The following SGCD variants were observed in gnomAD, a reference collection of about 807,000 sequenced individuals.
The protein encoded by SGCD is delta-sarcoglycan.
A neutral mutation model predicts 36.6 loss-of-function variants in SGCD; 18 were observed. The observed-to-expected ratio is 0.49, with a 90% CI of 0.34 to 0.73. The LOEUF (loss-of-function observed/expected upper bound fraction) is 0.73. Ranked by LOEUF, SGCD falls within the 30% of genes least tolerant of loss-of-function variation. The pLI is 0.01. For missense variants in SGCD, 387 were observed against 346.7 expected (o/e 1.12, Z -0.92); for synonymous variants, 133 against 130.6 (o/e 1.02, Z -0.12).
chr5:156,492,227 T>G (rs1457568042), intron 3 of SGCD, among the ~76,000 whole-genome samples: 1 of 152,156 alleles, frequency 6.6e-6, no homozygotes, highest in Non-Finnish European at 1.5e-5. Context: ...GGGAATAAAC[T>G]TCTCTAGTAT....
At chr5:156,333,555 A>C (rs1279234621) in intron 2 of SGCD, among the ~76,000 whole-genome samples, 1 of 152,126 alleles carries the variant, frequency 6.6e-6, no homozygotes, top group African/African-American at 2.4e-5. Flanking sequence ...TTTCCAGCCA[A>C]ACACTCTGGA....
intron 3 of SGCD, among the ~76,000 whole-genome samples, chr5:156,285,317 A>T (rs547033282): frequency 6.6e-6 from 1 of 152,286 alleles, no homozygotes; most frequent in East Asian, 1.9e-4. Context: ...GAATTGGAAA[A>T]AACTACTTTA....
intron 4 of SGCD, among the ~76,000 whole-genome samples, chr5:156,509,982 A>G (rs1010516173): frequency 2.6e-5 from 4 of 152,188 alleles, no homozygotes; most frequent in African/African-American, 9.6e-5. Context: ...CACTACTTGC[A>G]TTGTGTGCAT....
chr5:156,173,145 G>T (rs900373376), intron 3 of SGCD, among the ~76,000 whole-genome samples: 25 of 151,958 alleles, frequency 1.6e-4, no homozygotes, highest in Non-Finnish European at 1.2e-4. Flanking sequence ...AATAATAAAG[G>T]TAGAGATTTC....
At chr5:156,467,414 C>A (rs1174542183) in intron 3 of SGCD, among the ~76,000 whole-genome samples, 1 of 152,108 alleles carries the variant, frequency 6.6e-6, no homozygotes, top group Non-Finnish European at 1.5e-5. Context: ...TTTCTCACTG[C>A]ACTAAAGAAA....
the SGCD span, among the ~76,000 whole-genome samples, chr5:155,735,727 C>A: frequency 2.0e-5 from 3 of 152,202 alleles, no homozygotes; most frequent in Non-Finnish European, 2.9e-5. Context: ...GAGAAGCAGA[C>A]CTGAAATTAT....
intron 3 of SGCD, among the ~76,000 whole-genome samples, chr5:156,427,538 T>A (rs1400159334): frequency 2.0e-5 from 3 of 152,148 alleles, no homozygotes; most frequent in Non-Finnish European, 4.4e-5. Flanking sequence ...TTCCTTCTCT[T>A]GTCTGATTGC....
chr5:155,910,735 A>G (rs1278027128), intron 1 of SGCD, among the ~76,000 whole-genome samples: 1 of 152,152 alleles, frequency 6.6e-6, no homozygotes, highest in Admixed American at 6.6e-5. Flanking sequence ...GTCACTTGGT[A>G]ATAATAGAAA....
intron 3 of SGCD, among the ~76,000 whole-genome samples, chr5:156,224,451 G>A (rs1399180321): frequency 6.6e-6 from 1 of 152,086 alleles, no homozygotes; most frequent in Non-Finnish European, 1.5e-5. Flanking sequence ...AGACCAGATA[G>A]ATTTGTAGTG....
At chr5:156,193,008 T>C (rs2127633390) in intron 3 of SGCD, among the ~76,000 whole-genome samples, 1 of 151,854 alleles carries the variant, frequency 6.6e-6, no homozygotes, top group South Asian at 2.1e-4. Context: ...AATTTTAATT[T>C]CATCTAACTT....
chr5:156,725,051 C>T (rs1027785337), intron 7 of SGCD, among the ~76,000 whole-genome samples: 47 of 152,130 alleles, frequency 3.1e-4, no homozygotes, highest in Non-Finnish European at 2.4e-4. Flanking sequence ...CTAAGGGTGG[C>T]GATGCCACTC....
chr5:156,545,378 G>A lies in SGCD; in HGVS notation c.294+36676G>A, dbSNP rs531732700. Reference sequence around the variant, plus strand: ...GGTTGTGAACAAGATGCTAAGCCTCGTAAGGGCTCAGTTTTGTCATCTAGC... The same window carrying A: ...GGTTGTGAACAAGATGCTAAGCCTCATAAGGGCTCAGTTTTGTCATCTAGC... On this transcript the variant is annotated intron_variant, in intron 4 of 8. Transcript: ENST00000337851. Among the ~76,000 whole-genome samples, 18 of 152,146 alleles carry A rather than the reference G, an allele frequency of 1.2e-4. No homozygotes were observed. The South Asian group carries it at 3.5e-3, about 30-fold the overall frequency.
At chr5:156,393,035 G>A (rs1465280286) in intron 3 of SGCD, among the ~76,000 whole-genome samples, 1 of 152,174 alleles carries the variant, frequency 6.6e-6, no homozygotes, top group Non-Finnish European at 1.5e-5. Flanking sequence ...TGTGGGCACA[G>A]GCCCAGGGTT....
At position 156,121,111 on chromosome 5, in the gene SGCD, G is replaced by C. The variant is rs561190123; in HGVS notation, c.-207-2745G>C. On this transcript the variant is annotated intron_variant, in intron 2 of 9. Transcript: ENST00000517913. Reference sequence around the variant, plus strand: ...GATGGTCCAGACAAAGTTGCCCAAAGTCATTAAGGGCTACAAAAGCAATGT... The same window carrying C: ...GATGGTCCAGACAAAGTTGCCCAAACTCATTAAGGGCTACAAAAGCAATGT... 1.5e-3 allele frequency among the ~76,000 whole-genome samples: 231 copies of C among 152,224 alleles called. 1 individual carries two copies. Among genetic ancestry groups the C allele is most frequent in the Non-Finnish European group, 1.9e-3 (128 of 68,008 alleles).
At chr5:156,758,079 C>T in intron 8 of SGCD, 1 of 847,216 alleles carries the variant, frequency 1.2e-6, no homozygotes, top group African/African-American at 1.8e-5. Flanking sequence ...CTTGTCATTA[C>T]TTTGTGTCAC....
At position 156,518,374 on chromosome 5, in the gene SGCD, C is replaced by G. The variant is rs149385521; in HGVS notation, c.294+9672C>G. On this transcript the variant is annotated intron_variant, in intron 4 of 8. Coordinates refer to ENST00000337851, the MANE Select transcript of SGCD (RefSeq NM_000337.6). ...GAGACCTACAAAGAGACTTAGACTC[C>G]CACACAATAATAGTGTGAGACTTTC... Among the ~76,000 whole-genome samples, 873 of 152,212 alleles carry G rather than the reference C, an allele frequency of 5.7e-3. 3 individuals are homozygous for G. Among genetic ancestry groups the G allele is most frequent in the African/African-American group, 0.02 (826 of 41,528 alleles).
chr5:155,821,812 T>C, the SGCD span, among the ~76,000 whole-genome samples: 3 of 152,224 alleles, frequency 2.0e-5, no homozygotes, highest in African/African-American at 7.2e-5. Flanking sequence ...TTAATGCTAT[T>C]AATTATACTA....
chr5:156,101,592 TGA>T (rs1561721193), intron 1 of SGCD, among the ~76,000 whole-genome samples: 2 of 152,150 alleles, frequency 1.3e-5, no homozygotes, highest in Admixed American at 6.5e-5. Context: ...TATTTGAAAA[TGA>T]AAGCTTTGGA....
chr5:156,510,701 C>T (rs1756889871), intron 4 of SGCD, among the ~76,000 whole-genome samples: 1 of 152,148 alleles, frequency 6.6e-6, no homozygotes, highest in Non-Finnish European at 1.5e-5. Flanking sequence ...TTCACCAACC[C>T]TTCTAATCTA....
Sources: gnomAD v4.1 joint callset for allele counts (sites outside exome capture counted in the v4.1 genomes callset) on GRCh38, gnomAD v4.1.1 for gene constraint, MANE v1.5 for transcripts, NCBI Gene and HGNC (gene_info 2026-07-23, HGNC 2026-07-21) for gene names.